TFCP2L1: variants seen among roughly 807,000 people sequenced by gnomAD.
TFCP2L1 encodes transcription factor CP2-like protein 1.
A neutral mutation model predicts 72.2 loss-of-function variants in TFCP2L1; 12 were observed. The ratio of observed to expected loss-of-function variants is 0.17; its 90% CI spans 0.11 to 0.27. The LOEUF (loss-of-function observed/expected upper bound fraction) is 0.27, where lower values mean the gene tolerates loss of function less well. Ranked by LOEUF, TFCP2L1 falls within the 10% of genes least tolerant of loss-of-function variation. The probability of loss-of-function intolerance (pLI) is 1.00; values close to 1 mark genes in which losing one functional copy is unlikely to be tolerated. For missense variants in TFCP2L1, 488 were observed against 624.6 expected (o/e 0.78, Z 2.33); for synonymous variants, 260 against 251.0 (o/e 1.04, Z -0.34).
Position 121,225,550 on chromosome 2 carries a change from G to A in TFCP2L1, c.1393+12C>T, listed in dbSNP as rs757080290. On this transcript the variant is annotated intron_variant, in intron 14 of 14. Transcript: ENST00000263707. The stretch of plus-strand genomic sequence containing the variant: ...CCCCCACAACTACCCTAGGGGGAGG[G>A]GGAGGCTTCACCTTTAATTGTGCTG... The A allele has an allele frequency of 6.2e-7, 1 of 1,613,764 alleles. No individual in the cohort carries two copies. The highest frequency in any genetic ancestry group is 8.5e-7 in the Non-Finnish European group (1 of 1,179,906).
intron 2 of TFCP2L1, among the ~76,000 whole-genome samples, chr2:121,267,427 A>C (rs1373456968): frequency 6.6e-6 from 1 of 152,192 alleles, no homozygotes; most frequent in Non-Finnish European, 1.5e-5. Context: ...GTTTTAATTA[A>C]CTGGCCCATT....
intron 7 of TFCP2L1, chr2:121,240,564 C>T (rs781534551): frequency 1.1e-4 from 109 of 985,272 alleles, no homozygotes; most frequent in Non-Finnish European, 1.2e-4. Flanking sequence ...AAGTGGCAGC[C>T]GGTGCCTCCC....
intron 10 of TFCP2L1, among the ~76,000 whole-genome samples, chr2:121,236,372 C>T (rs1272659159): frequency 6.6e-6 from 1 of 152,102 alleles, no homozygotes; most frequent in African/African-American, 2.4e-5. Context: ...CATGTGAGGA[C>T]GGGCCCACAG....
chr2:121,275,736 G>A (rs1687134213), intron 2 of TFCP2L1, among the ~76,000 whole-genome samples: 1 of 151,866 alleles, frequency 6.6e-6, no homozygotes, highest in African/African-American at 2.4e-5. Flanking sequence ...ACGCCCAGCT[G>A]ATTTTTGTAT....
chr2:121,237,696 C>T lies in TFCP2L1; in HGVS notation c.930G>A (p.Ser310=), dbSNP rs751086919. The T allele has an allele frequency of 3.9e-5, 63 of 1,614,062 alleles. No homozygotes were observed. Among genetic ancestry groups the T allele is most frequent in the African/African-American group, 1.2e-4 (9 of 74,930 alleles). ...GAAGCCACTGCTGGGCATCCTGGAT[C>T]GAAGCTGATGGGAGCAGGTGCTGTG... ...VGSDHLLPSA[S]IQDAQQWLHR... Residue 310 remains serine, a synonymous_variant, in exon 10 of 15, where the codon TCG becomes TCA. Transcript: ENST00000263707.
At chr2:121,251,873 G>A (rs1012037664) in intron 2 of TFCP2L1, among the ~76,000 whole-genome samples, 10 of 152,076 alleles carry the variant, frequency 6.6e-5, no homozygotes, top group African/African-American at 2.4e-4. Flanking sequence ...ACTCAATAAG[G>A]AAGAACTTTC....
intron 2 of TFCP2L1, among the ~76,000 whole-genome samples, chr2:121,270,715 A>G (rs1289464535): frequency 1.3e-5 from 2 of 152,034 alleles, no homozygotes; most frequent in Non-Finnish European, 2.9e-5. Context: ...GGGGAAAAAA[A>G]AAAGCAGCAG....
chr2:121,240,232 C>T, intron 7 of TFCP2L1: 2 of 985,164 alleles, frequency 2.0e-6, no homozygotes, highest in Non-Finnish European at 2.4e-6. Context: ...TAAGGGAGAT[C>T]CACAAACATG....
At chr2:121,259,840 TGAAAAAAAACAACTAG>T in intron 2 of TFCP2L1, among the ~76,000 whole-genome samples, 1 of 152,058 alleles carries the variant, frequency 6.6e-6, no homozygotes, top group Non-Finnish European at 1.5e-5. Context: ...AGTATTGGCC[TGAAAAAAAACAACTAG>T]GGATATATTG....
intron 2 of TFCP2L1, among the ~76,000 whole-genome samples, chr2:121,264,107 G>C (rs938740927): frequency 6.6e-6 from 1 of 152,222 alleles, no homozygotes; most frequent in Non-Finnish European, 1.5e-5. Flanking sequence ...GGGCTCAGGA[G>C]GGGGAACCCG....
chr2:121,228,889 G>A (rs755764847), intron 13 of TFCP2L1, among the ~76,000 whole-genome samples: 9 of 145,672 alleles, frequency 6.2e-5, no homozygotes, highest in Non-Finnish European at 1.3e-4. Context: ...ATAAATGTAT[G>A]GCTGCGTGTT....
At chr2:121,224,910 G>A (rs934159277) in intron 14 of TFCP2L1, among the ~76,000 whole-genome samples, 19 of 152,024 alleles carry the variant, frequency 1.2e-4, no homozygotes, top group African/African-American at 3.4e-4. Context: ...GTGTGAACCC[G>A]GGAGGCGGAG....
intron 2 of TFCP2L1, among the ~76,000 whole-genome samples, chr2:121,256,601 AC>A (rs1428615029): frequency 1.3e-5 from 2 of 152,020 alleles, no homozygotes; most frequent in Non-Finnish European, 2.9e-5. Flanking sequence ...ACATGGTGAC[AC>A]CCCGTCTCTA....
At chr2:121,279,642 C>CTGA (rs1687215383) in intron 2 of TFCP2L1, among the ~76,000 whole-genome samples, 3 of 152,234 alleles carry the variant, frequency 2.0e-5, no homozygotes, top group Admixed American at 2.0e-4. Flanking sequence ...AGCAGAGAGC[C>CTGA]TGATGACCAA....
intron 2 of TFCP2L1, among the ~76,000 whole-genome samples, chr2:121,269,918 A>AAAAAAAAAATAT: frequency 6.1e-5 from 7 of 115,176 alleles, no homozygotes; most frequent in African/African-American, 2.2e-4. Flanking sequence ...AAAAAAAAAA[A>AAAAAAAAAATAT]ATATATATAT....
rs551660969 is a variant in TFCP2L1 at position 121,285,161 on chromosome 2, G to A, written c.-52C>T. The A allele has an allele frequency of 2.4e-3, 3,451 of 1,410,498 alleles. 14 individuals carry two copies. Among genetic ancestry groups the A allele is most frequent in the Non-Finnish European group, 3.0e-3 (3,231 of 1,077,778 alleles). The allele number at this position is 1,410,498 out of a possible 1,614,324, so 87.4% of individuals were successfully genotyped here. Reference sequence around the variant, plus strand: ...GGGCGCGGCAGCAAGCGCAGACGCGGGGCGCGCCGAGGACCCAGCGGCGGC... The same window carrying A: ...GGGCGCGGCAGCAAGCGCAGACGCGAGGCGCGCCGAGGACCCAGCGGCGGC... On this transcript the variant is annotated 5_prime_UTR_variant, in exon 1 of 15. Transcript: ENST00000263707.
intron 13 of TFCP2L1, among the ~76,000 whole-genome samples, chr2:121,227,742 C>CAT (rs1686059054): frequency 5.9e-5 from 9 of 151,818 alleles, no homozygotes; most frequent in Admixed American, 5.9e-4. Flanking sequence ...CACACACACA[C>CAT]ACACACACAC....
chr2:121,269,655 G>A (rs1163853468), intron 2 of TFCP2L1, among the ~76,000 whole-genome samples: 2 of 151,842 alleles, frequency 1.3e-5, no homozygotes, highest in Non-Finnish European at 2.9e-5. Context: ...GCTCATGCCT[G>A]TAATCCCAGC....
At chr2:121,275,520 G>C (rs1035516135) in intron 2 of TFCP2L1, among the ~76,000 whole-genome samples, 1 of 146,708 alleles carries the variant, frequency 6.8e-6, no homozygotes, top group Non-Finnish European at 1.5e-5. Context: ...ACCACATAAA[G>C]CATAATCTCA....
Sources: allele counts gnomAD v4.1 joint callset (sites outside exome capture counted in the v4.1 genomes callset), GRCh38; gene constraint gnomAD v4.1.1; transcripts MANE v1.5; gene names NCBI Gene and HGNC (gene_info 2026-07-23, HGNC 2026-07-21).